Variants in WDR81 observed in about 807,000 individuals in gnomAD.
WDR81 encodes the protein WD repeat domain 81.
A neutral mutation model predicts 140.8 loss-of-function variants in WDR81; 92 were observed. That is an observed-to-expected ratio of 0.65 (90% confidence interval 0.55 to 0.78). The LOEUF (loss-of-function observed/expected upper bound fraction) is 0.78. Among genes scored for constraint, WDR81 ranks in the 30% least tolerant of loss-of-function variants. The probability of loss-of-function intolerance (pLI) is 0.00; values close to 1 mark genes in which losing one functional copy is unlikely to be tolerated. For missense variants in WDR81, 2,502 were observed against 2,636.4 expected (o/e 0.95, Z 1.12); for synonymous variants, 1,183 against 1,156.4 (o/e 1.02, Z -0.47).
rs374175675 is a variant in WDR81, at chr17:1,733,996, C to T, written c.4959C>T (p.Cys1653=). ...SFPGHSGAVK[C]VAPLSSEDFF... ...CGGGCCACTCGGGGGCCGTCAAGTG[C>T]GTGGCACCCCTAAGCAGCGAGGACT... The change falls in exon 7 of 10, where the codon TGC becomes TGT. Residue 1653 remains cysteine (C), a synonymous_variant. Transcript: ENST00000409644. 69 of 1,612,698 alleles carry T rather than the reference C, an allele frequency of 4.3e-5. No homozygotes were observed. Among genetic ancestry groups the T allele is most frequent in the South Asian group, 1.8e-4 (16 of 91,084 alleles).
rs2151168538 is a variant in WDR81, at chr17:1,730,430, G to T, written c.3718G>T (p.Val1240Leu). 6.2e-7 allele frequency: 1 copy of T among 1,613,240 alleles called. No individual in the cohort carries two copies. Among genetic ancestry groups the T allele is most frequent in the East Asian group, 2.2e-5 (1 of 44,878 alleles). The change falls in exon 2 of 10, where the codon GTG becomes TTG. Residue 1240 changes from valine to leucine, a missense_variant. By Grantham distance (32) the Val-to-Leu change is conservative. This residue lies in a region of WDR81 where 1,737 missense variants were observed against 1,843.0 expected (regional missense o/e 0.94). Coordinates refer to ENST00000409644, the MANE Select transcript of WDR81 (RefSeq NM_001163809.2). ...RWLSAKLGPT[V>L]ASRHVARNLL... ...GCTGTCTGCCAAGCTCGGCCCCACA[G>T]TGGCCTCTCGCCACGTGGCCCGGAA...
chr17:1,730,740 G>C lies in WDR81; in HGVS notation c.3776-15G>C. The C allele has an allele frequency of 6.3e-7, 1 of 1,599,308 alleles. No individual in the cohort carries two copies. The highest frequency in any genetic ancestry group is 8.5e-7 in the Non-Finnish European group (1 of 1,172,354). On this transcript the variant is annotated splice_polypyrimidine_tract_variant and intron_variant, in intron 2 of 9. Transcript: ENST00000409644. The stretch of plus-strand genomic sequence containing the variant: ...CTCCACTGGCGACTCAGGGCTGCTG[G>C]CCCTTCCGTGGCAGGACCCACTCGG...
chr17:1,724,941 C>G lies in WDR81; in HGVS notation c.-19C>G. ...TGGCTGGGCTCAGCCCCGCGCTGCC[C>G]CCGGGCGGCCTGGAGGAGATGGCCC... On this transcript the variant is annotated 5_prime_UTR_variant, in exon 1 of 10. Coordinates refer to ENST00000409644, the MANE Select transcript of WDR81 (RefSeq NM_001163809.2). 7.2e-7 allele frequency: 1 copy of G among 1,391,292 alleles called. No individual in the cohort carries two copies. Among genetic ancestry groups the G allele is most frequent in the African/African-American group, 1.5e-5 (1 of 65,766 alleles). The allele number at this position is 1,391,292 out of a possible 1,614,324, so 86.2% of individuals were successfully genotyped here. A position where few individuals can be genotyped will look rare whatever the true frequency, so the allele number is the denominator to read the frequency against.
At position 1,732,947 on chromosome 17, in the gene WDR81, G is replaced by T. The variant is rs1904489454; in HGVS notation, c.4489+116G>T. Reference sequence around the variant, plus strand: ...GTGGGTTCTAAGAGCCAGCAGGATGGGTGAGAGCAAAGGGATTTGGCCTCA... The same window carrying T: ...GTGGGTTCTAAGAGCCAGCAGGATGTGTGAGAGCAAAGGGATTTGGCCTCA... On this transcript the variant is annotated intron_variant, in intron 6 of 9. Coordinates refer to ENST00000409644, the MANE Select transcript of WDR81 (RefSeq NM_001163809.2). The T allele has an allele frequency of 3.7e-6, 5 of 1,358,364 alleles. No homozygotes were observed. The Admixed American group carries it at 9.8e-5, about 27-fold the overall frequency. 84.1% of individuals were successfully genotyped at this position (1,358,364 alleles called of 1,614,324 possible).
upstream of WDR81, among the ~76,000 whole-genome samples, chr17:1,723,916 A>T (rs970000843): frequency 1.3e-5 from 2 of 152,194 alleles, no homozygotes; most frequent in African/African-American, 4.8e-5. Flanking sequence ...GTTGGTTATC[A>T]CTTGTAAAAT....
In WDR81 at chr17:1,734,130, A is replaced by G; in HGVS notation, c.5093A>G (p.Lys1698Arg). 6.3e-7 allele frequency: 1 copy of G among 1,599,912 alleles called. No homozygotes were observed. Among genetic ancestry groups the G allele is most frequent in the Non-Finnish European group, 8.5e-7 (1 of 1,179,694 alleles). ...APRLVYTQHR[K>R]SVFFVGQLEA... ...CGCCTCGTCTACACCCAGCACCGCAAGAGCGTCTTCTTCGTGGGCCAGCTT... is the reference window on the plus strand; with the variant it reads ...CGCCTCGTCTACACCCAGCACCGCAGGAGCGTCTTCTTCGTGGGCCAGCTT... Residue 1698 changes from lysine to arginine, a missense_variant, in exon 7 of 10, where the codon AAG becomes AGG. Lys to Arg is a conservative substitution (Grantham distance 26, BLOSUM62 2). Around this residue, in one of 3 missense-constraint regions of WDR81, gnomAD observed 1,737 missense variants for 1,843.0 expected, o/e 0.94. Coordinates refer to ENST00000409644, the MANE Select transcript of WDR81 (RefSeq NM_001163809.2).
chr17:1,734,135 GTCT>G lies in WDR81; in HGVS notation c.5104_5106del (p.Phe1702del). The G allele has an allele frequency of 6.3e-7, 1 of 1,599,574 alleles. No homozygotes were observed. Among genetic ancestry groups the G allele is most frequent in the Non-Finnish European group, 8.5e-7 (1 of 1,179,700 alleles). On this transcript the variant is annotated inframe_deletion, in exon 7 of 10. Transcript: ENST00000409644. ...CGTCTACACCCAGCACCGCAAGAGCGTCTTCTTCGTGGGCCAGCTTGAGGCCCC... is the reference window on the plus strand; with the variant it reads ...CGTCTACACCCAGCACCGCAAGAGCGTCTTCGTGGGCCAGCTTGAGGCCCC...
Position 1,730,928 on chromosome 17 carries a change from C to A in WDR81, c.3949C>A (p.Pro1317Thr), listed in dbSNP as rs780689751. 19 of 1,613,046 alleles carry A rather than the reference C, an allele frequency of 1.2e-5. No individual in the cohort carries two copies. Among genetic ancestry groups the A allele is most frequent in the African/African-American group, 2.7e-5 (2 of 74,924 alleles). The change falls in exon 3 of 10, where the codon CCC (proline) becomes ACC (threonine). Residue 1317 changes from proline to threonine, a missense_variant. This residue lies in a region of WDR81 where 1,737 missense variants were observed against 1,843.0 expected (regional missense o/e 0.94). Coordinates refer to ENST00000409644, the MANE Select transcript of WDR81 (RefSeq NM_001163809.2). ...GCCTGTCCTCACCTACCAGTACCTG[C>A]CCTACATCAGCTACCTGGTCAGTCG... ...GEPVLTYQYL[P>T]YISYLVAPGS...
At position 1,727,950 on chromosome 17, in the gene WDR81, G is replaced by T. The variant is rs535471918; in HGVS notation, c.2991G>T (p.Leu997=). The change falls in exon 1 of 10, where the codon CTG becomes CTT. Residue 997 remains leucine (L), a synonymous_variant. Transcript: ENST00000409644. The stretch of plus-strand genomic sequence containing the variant: ...CCCAGCTGATGGTGCGGCTGGGCCT[G>T]CAGGCATTTCTCACTCACCTGCTGC... ...FVAQLMVRLG[L]QAFLTHLLPH... 15 of 1,550,244 alleles carry T rather than the reference G, an allele frequency of 9.7e-6. No homozygotes were observed. The South Asian group carries it at 1.7e-4, about 17-fold the overall frequency.
Position 1,730,778 on chromosome 17 carries a change from G to T in WDR81, c.3799G>T (p.Val1267Leu), listed in dbSNP as rs867145284. The T allele has an allele frequency of 1.9e-6, 3 of 1,611,558 alleles. No homozygotes were observed. The highest frequency in any genetic ancestry group is 1.3e-5 in the African/African-American group (1 of 75,030). The stretch of plus-strand genomic sequence containing the variant: ...AGGACCCACTCGGCAGCAGTTCACA[G>T]TGAGCAGTGGCGAGAGCCCACCGCT... The part of the protein sequence containing the change: ...YVGPTRQQFT[V>L]SSGESPPLSA... Residue 1267 changes from valine to leucine, a missense_variant, in exon 3 of 10, where the codon GTG becomes TTG. Physicochemically the swap from Val to Leu is conservative, Grantham distance 32. Coordinates refer to ENST00000409644, the MANE Select transcript of WDR81 (RefSeq NM_001163809.2).
At chr17:1,731,785 C>T (rs1280785333) in intron 4 of WDR81, among the ~76,000 whole-genome samples, 3 of 151,268 alleles carry the variant, frequency 2.0e-5, no homozygotes, top group Non-Finnish European at 4.4e-5. Context: ...TGCCTGCAAT[C>T]CCAGGTTCTC....
In WDR81 at chr17:1,728,466, G is replaced by A. The variant is rs1179889789; in HGVS notation, c.3507G>A (p.Glu1169=). Residue 1169 remains glutamate (E), a synonymous_variant, in exon 1 of 10, where the codon GAG becomes GAA. Transcript: ENST00000409644. ...EDSCVVLEEE[E]GEQEEVTGAS... is the part of the protein sequence containing the mutation. The stretch of plus-strand genomic sequence containing the variant: ...GCTGCGTGGTGCTAGAGGAGGAGGA[G>A]GGGGAGCAGGAGGAGGTCACCGGGG... The A allele has an allele frequency of 5.0e-6, 8 of 1,609,598 alleles. No homozygotes were observed. The East Asian group carries it at 1.1e-4, about 22-fold the overall frequency.
Position 1,728,612 on chromosome 17 carries a change from A to G in WDR81, c.3653A>G (p.Gln1218Arg). 6.8e-7 allele frequency: 1 copy of G among 1,469,508 alleles called. No individual in the cohort carries two copies. The highest frequency in any genetic ancestry group is 9.1e-7 in the Non-Finnish European group (1 of 1,104,310). 91.0% of individuals were successfully genotyped at this position (1,469,508 alleles called of 1,614,324 possible). The part of the protein sequence containing the change: ...ALPEQSEGKE[Q>R]KILLDTACKM... ...CCTGAGCAGTCAGAAGGCAAAGAAC[A>G]GAAGATCCTCCTTGGTAAGTTCCCA... is the stretch of plus-strand genomic sequence containing the variant. Residue 1218 changes from glutamine to arginine, a missense_variant, in exon 1 of 10, where the codon CAG (glutamine) becomes CGG (arginine). Physicochemically the swap from Gln to Arg is conservative, Grantham distance 43. Transcript: ENST00000409644.
Position 1,735,820 on chromosome 17 carries a change from C to T in WDR81, c.5325+103C>T. 3 of 1,466,788 alleles carry T rather than the reference C, an allele frequency of 2.0e-6. No individual in the cohort carries two copies. The highest frequency in any genetic ancestry group is 2.7e-5 in the South Asian group (2 of 73,404). 90.9% of individuals were successfully genotyped at this position (1,466,788 alleles called of 1,614,324 possible). A position where few individuals can be genotyped will look rare whatever the true frequency, so the allele number is the denominator to read the frequency against. ...GAAAGCCAGGATGTTGTTCTGGGGC[C>T]CTAGTTAGTTTCTCTTTGGTGCTAG... On this transcript the variant is annotated intron_variant, in intron 8 of 9. Coordinates refer to ENST00000409644, the MANE Select transcript of WDR81 (RefSeq NM_001163809.2). The surrounding 1 kb of genome is among the most constrained non-coding windows in gnomAD (Gnocchi z 4.2).
chr17:1,730,747 C>T lies in WDR81; in HGVS notation c.3776-8C>T, dbSNP rs920903393. 16 of 1,601,964 alleles carry T rather than the reference C, an allele frequency of 1.0e-5. No homozygotes were observed. In the East Asian group the frequency reaches 1.1e-4, roughly 11 times the overall value. On this transcript the variant is annotated splice_polypyrimidine_tract_variant and splice_region_variant and intron_variant, in intron 2 of 9. Transcript: ENST00000409644. ...GGCGACTCAGGGCTGCTGGCCCTTC[C>T]GTGGCAGGACCCACTCGGCAGCAGT...
rs1904848713 is a variant in WDR81, at chr17:1,736,179, A to T, written c.5466A>T (p.Arg1822=). Reference sequence around the variant, plus strand: ...ACACCCGCACAGGCCTGGTTCTGCGAGGCTGGCCAGCCCACGAGGGGGACA... The same window carrying T: ...ACACCCGCACAGGCCTGGTTCTGCGTGGCTGGCCAGCCCACGAGGGGGACA... The part of the protein sequence containing the change: ...LLDTRTGLVL[R]GWPAHEGDIL... Residue 1822 remains arginine (R), a synonymous_variant, in exon 9 of 10, where the codon CGA becomes CGT. Coordinates refer to ENST00000409644, the MANE Select transcript of WDR81 (RefSeq NM_001163809.2). The T allele has an allele frequency of 1.3e-6, 2 of 1,599,388 alleles. No individual in the cohort carries two copies. The highest frequency in any genetic ancestry group is 1.3e-5 in the African/African-American group (1 of 74,892).
Position 1,727,877 on chromosome 17 carries a change from C to G in WDR81, c.2918C>G (p.Pro973Arg). Residue 973 changes from proline (P) to arginine (R), a missense_variant, in exon 1 of 10, where the codon CCC becomes CGC. This residue lies in a region of WDR81 where 1,737 missense variants were observed against 1,843.0 expected (regional missense o/e 0.94). Transcript: ENST00000409644. ...CCGCTCATTGGTGCCTACGAGAGCC[C>G]CTGCCAGCTACACGGCCGCTTCTAC... The part of the protein sequence containing the change: ...LKPLIGAYES[P>R]CQLHGRFYLY... 6.4e-7 allele frequency: 1 copy of G among 1,550,740 alleles called. No homozygotes were observed.
intron 1 of WDR81, among the ~76,000 whole-genome samples, chr17:1,728,895 G>A (rs555449436): frequency 6.6e-6 from 1 of 152,218 alleles, no homozygotes; most frequent in East Asian, 1.9e-4. Flanking sequence ...GGAGCTTGCA[G>A]TGAGCCGAGA....
In WDR81 at chr17:1,725,300, G is replaced by A; in HGVS notation, c.341G>A (p.Arg114Lys). Residue 114 changes from arginine (R) to lysine (K), a missense_variant, in exon 1 of 10, where the codon AGA (arginine) becomes AAA (lysine). Physicochemically the swap from Arg to Lys is conservative, Grantham distance 26. Around this residue, in one of 3 missense-constraint regions of WDR81, gnomAD observed 547 missense variants for 513.8 expected, o/e 1.06. Coordinates refer to ENST00000409644, the MANE Select transcript of WDR81 (RefSeq NM_001163809.2). ...RVEVHGLRKRRLSYPLGGGLP... is the reference protein window; with the variant it reads ...RVEVHGLRKRKLSYPLGGGLP... ...GAGGTGCATGGGCTGCGGAAGCGGA[G>A]ACTGTCCTACCCTCTGGGCGGGGGC... 2 of 1,547,962 alleles carry A rather than the reference G, an allele frequency of 1.3e-6. No individual in the cohort carries two copies. Among genetic ancestry groups the A allele is most frequent in the Non-Finnish European group, 1.7e-6 (2 of 1,146,956 alleles).
Sources: gnomAD v4.1 joint callset for allele counts (sites outside exome capture counted in the v4.1 genomes callset) on GRCh38, gnomAD v4.1.1 for gene constraint, gnomAD v4.1.1 regional missense constraint, Gnocchi (gnomAD v3.1) non-coding constraint, MANE v1.5 for transcripts, NCBI Gene and HGNC (gene_info 2026-07-23, HGNC 2026-07-21) for gene names.